Variants in PTPRH observed in about 807,000 individuals in gnomAD.
PTPRH encodes the protein receptor-type tyrosine-protein phosphatase H.
A neutral mutation model predicts 130.2 loss-of-function variants in PTPRH; 113 were observed. The ratio of observed to expected loss-of-function variants is 0.87; its 90% CI spans 0.75 to 1.01. PTPRH has a LOEUF of 1.01. Among genes scored for constraint, PTPRH ranks in the 50% least tolerant of loss-of-function variants. PTPRH has a pLI of 0.00. For synonymous variants in PTPRH, 556 were observed against 577.9 expected, an observed-to-expected ratio of 0.96 and a Z score of 0.54; for missense variants, 1,430 against 1,425.0, an observed-to-expected ratio of 1.00 and a Z score of -0.06.
chr19:55,205,259 C>T (rs1206321676), intron 4 of PTPRH, 67 bp downstream of exon 4: 35 of 1,590,318 alleles, frequency 2.2e-5, no homozygotes, highest in African/African-American at 4.0e-5. Flanking sequence ...AATAGAAATC[C>T]GCTACGTTCT....
At chr19:55,188,214 A>C (rs766450716) in intron 12 of PTPRH, 46 bp from the exon 13 acceptor site, 58 of 1,487,314 alleles carry the variant, frequency 3.9e-5, no homozygotes, top group Non-Finnish European at 5.2e-5. Context: ...AACTTCTTTT[A>C]ATCTTGCACT....
At chr19:55,185,143 C>G (rs898053306) in intron 18 of PTPRH, among the ~76,000 whole-genome samples, 4 of 152,028 alleles carry the variant, frequency 2.6e-5, no homozygotes, top group African/African-American at 9.6e-5. Context: ...TACAGGTGCC[C>G]GCCACGACAC....
chr19:55,189,512 C>T (rs1467537072), intron 12 of PTPRH, among the ~76,000 whole-genome samples: 3 of 152,172 alleles, frequency 2.0e-5, no homozygotes, highest in African/African-American at 4.8e-5. Flanking sequence ...CGGAGACGCA[C>T]GATGTTCTCT....
chr19:55,181,918 C>T lies in PTPRH; in HGVS notation c.3199-15G>A, dbSNP rs45607834. The T allele has an allele frequency of 0.094, 152,274 of 1,614,030 alleles. 7,796 individuals carry two copies. The highest frequency in any genetic ancestry group is 0.17 in the Middle Eastern group (1,031 of 6,052). ...ACGTACTGAGCCTGGGAAGCAGGCACGGGAGTGAGAGGCGTCCCCCCAGGT... is the reference window on the plus strand; with the variant it reads ...ACGTACTGAGCCTGGGAAGCAGGCATGGGAGTGAGAGGCGTCCCCCCAGGT... On this transcript the variant is annotated splice_polypyrimidine_tract_variant and intron_variant, in intron 19 of 19. Transcript: ENST00000376350.
intron 10 of PTPRH, chr19:55,194,176 C>G: frequency 7.8e-7 from 1 of 1,289,158 alleles, no homozygotes. Flanking sequence ...TGGGTGCTCT[C>G]AGGCTCTGAT....
rs1481651755 is a variant in PTPRH, at chr19:55,196,517, C to G, written c.2257+5G>C. 1 of 1,606,524 alleles carries G rather than the reference C, an allele frequency of 6.2e-7. No homozygotes were observed. Among genetic ancestry groups the G allele is most frequent in the East Asian group, 2.2e-5 (1 of 44,750 alleles). On this transcript the variant is annotated splice_donor_5th_base_variant and intron_variant, in intron 10 of 19. Coordinates refer to ENST00000376350, the MANE Select transcript of PTPRH (RefSeq NM_002842.5). ...TAGCTGGCTGGCCCGCGCGGCTCCGCTCACCTGCACTCTCGGTGTGGCAGA... is the reference window on the plus strand; with the variant it reads ...TAGCTGGCTGGCCCGCGCGGCTCCGGTCACCTGCACTCTCGGTGTGGCAGA...
Position 55,182,144 on chromosome 19 carries a change from C to A in PTPRH, c.3070G>T (p.Val1024Leu), listed in dbSNP as rs766566365. 5 of 1,613,640 alleles carry A rather than the reference C, an allele frequency of 3.1e-6. No homozygotes were observed. The highest frequency in any genetic ancestry group is 1.7e-5 in the Admixed American group (1 of 59,996). The change falls in exon 19 of 20, where the codon GTG becomes TTG. Residue 1024 changes from valine (V) to leucine (L), a missense_variant. Coordinates refer to ENST00000376350, the MANE Select transcript of PTPRH (RefSeq NM_002842.5). ...GPPIVHCSAG[V>L]GRTGTLIALD... ...GCAATGAGGGTTCCTGTGCGACCCA[C>A]GCCAGCACTAGGCAGAACAAGGGAA... is the stretch of plus-strand genomic sequence containing the variant.
In PTPRH at chr19:55,185,656, C is replaced by A; in HGVS notation, c.2908G>T (p.Glu970Ter). 6.2e-7 allele frequency: 1 copy of A among 1,613,926 alleles called. No individual in the cohort carries two copies. The highest frequency in any genetic ancestry group is 8.5e-7 in the Non-Finnish European group (1 of 1,179,884). ...TGGCGCACAGACAGTGTCTTCTGCT[C>A]CTCCACCTGGAAGGAGGGAGCACTC... Reference protein sequence around the residue: ...VRELLLLQVEEQKTLSVRQFH... With the variant: ...VRELLLLQVE The change falls in exon 18 of 20, where the codon GAG (glutamate) becomes TAG (stop). Residue 970 changes from glutamate to a stop codon, truncating the protein, a stop_gained. Transcript: ENST00000376350. LOFTEE classifies it high-confidence loss of function.
rs927737709 is a variant in PTPRH at position 55,187,591 on chromosome 19, C to T, written c.2488G>A (p.Val830Met). ...FADEYQQLSLVGHSQSQMVAS... is the reference protein window; with the variant it reads ...FADEYQQLSLMGHSQSQMVAS... ...ACCATCTGAGACTGGCTGTGGCCCACCAGGGAGAGTTGCTGGGGATGCAGG... is the reference window on the plus strand; with the variant it reads ...ACCATCTGAGACTGGCTGTGGCCCATCAGGGAGAGTTGCTGGGGATGCAGG... Residue 830 changes from valine to methionine, a missense_variant, in exon 14 of 20, where the codon GTG becomes ATG. Coordinates refer to ENST00000376350, the MANE Select transcript of PTPRH (RefSeq NM_002842.5). The T allele has an allele frequency of 1.1e-5, 17 of 1,612,390 alleles. No individual in the cohort carries two copies. Among genetic ancestry groups the T allele is most frequent in the Non-Finnish European group, 1.3e-5 (15 of 1,178,902 alleles).
intron 12 of PTPRH, among the ~76,000 whole-genome samples, chr19:55,189,415 C>T (rs1361908754): frequency 6.6e-6 from 1 of 152,218 alleles, no homozygotes; most frequent in South Asian, 2.1e-4. Flanking sequence ...TCCTAACTTT[C>T]AACTACAGGC....
At chr19:55,203,455 G>A (rs1208563861) in intron 5 of PTPRH, among the ~76,000 whole-genome samples, 3 of 144,384 alleles carry the variant, frequency 2.1e-5, no homozygotes, top group Non-Finnish European at 4.5e-5. Context: ...TCTCTCTGTT[G>A]CCCAGGCTGG....
At chr19:55,187,171 C>CCA (rs2086368687) in intron 14 of PTPRH, among the ~76,000 whole-genome samples, 2 of 150,586 alleles carry the variant, frequency 1.3e-5, no homozygotes, top group Admixed American at 6.6e-5. Flanking sequence ...CGGTGAAACC[C>CCA]TGTCTCTACC....
intron 10 of PTPRH, among the ~76,000 whole-genome samples, chr19:55,195,861 G>C (rs1186399534): frequency 2.0e-5 from 3 of 152,076 alleles, no homozygotes; most frequent in Non-Finnish European, 4.4e-5. Context: ...ATGAGCCACT[G>C]TGCCCACTCT....
At chr19:55,203,356 T>C (rs2086934108) in intron 5 of PTPRH, among the ~76,000 whole-genome samples, 1 of 150,350 alleles carries the variant, frequency 6.7e-6, no homozygotes, top group African/African-American at 2.5e-5. Flanking sequence ...TTGTATCTGA[T>C]GGGCTACATA....
intron 10 of PTPRH, 116 bp downstream of exon 10, chr19:55,196,406 A>T: frequency 7.7e-7 from 1 of 1,304,160 alleles, no homozygotes; most frequent in Non-Finnish European, 1.0e-6. Flanking sequence ...AAAATAAAAA[A>T]GATGTTTCAA....
At chr19:55,196,142 C>T (rs2086673189) in intron 10 of PTPRH, among the ~76,000 whole-genome samples, 1 of 152,108 alleles carries the variant, frequency 6.6e-6, no homozygotes. Context: ...AATCCCAGCA[C>T]TTTGGGAGCC....
chr19:55,202,030 T>C (rs1002607375), intron 6 of PTPRH, 26 bp downstream of exon 6: 3 of 1,611,670 alleles, frequency 1.9e-6, no homozygotes, highest in Non-Finnish European at 2.5e-6. Flanking sequence ...AAATAAGAGA[T>C]CAAACAAATG....
intron 12 of PTPRH, chr19:55,189,809 C>T (rs1045374408): frequency 2.4e-5 from 9 of 371,596 alleles, no homozygotes; most frequent in East Asian, 2.7e-4. Flanking sequence ...GGTAAGACCA[C>T]CCCCCCGACC....
In PTPRH at chr19:55,181,892, T is replaced by A; in HGVS notation, c.3210A>T (p.Val1070=). 6.2e-7 allele frequency: 1 copy of A among 1,614,160 alleles called. No individual in the cohort carries two copies. Among genetic ancestry groups the A allele is most frequent in the Non-Finnish European group, 8.5e-7 (1 of 1,180,016 alleles). The part of the protein sequence containing the change: ...PLMVQTEAQY[V]FLHQCILRFL... ...ACCGCAGGATGCACTGATGCAGGAA[T>A]ACGTACTGAGCCTGGGAAGCAGGCA... is the stretch of plus-strand genomic sequence containing the variant. Residue 1070 remains valine (V), a synonymous_variant, in exon 20 of 20, where the codon GTA becomes GTT. Coordinates refer to ENST00000376350, the MANE Select transcript of PTPRH (RefSeq NM_002842.5).
Sources: gnomAD v4.1 joint callset for allele counts (sites outside exome capture counted in the v4.1 genomes callset) on GRCh38, gnomAD v4.1.1 for gene constraint, MANE v1.5 for transcripts, NCBI Gene and HGNC (gene_info 2026-07-23, HGNC 2026-07-21) for gene names.